ACTN1: variants seen among roughly 807,000 people sequenced by gnomAD.
ACTN1 encodes the protein alpha-actinin-1.
In ACTN1, 30 loss-of-function variants were observed where a neutral mutation model predicts 119.6. That is an observed-to-expected ratio of 0.25 (90% CI 0.19 to 0.34). ACTN1 has a LOEUF of 0.34. Among genes scored for constraint, ACTN1 ranks in the 10% least tolerant of loss-of-function variants. ACTN1 has a pLI of 1.00. For synonymous variants in ACTN1, 429 were observed against 472.6 expected, an observed-to-expected ratio of 0.91 and a Z score of 1.20; for missense variants, 764 against 1,223.4, an observed-to-expected ratio of 0.62 and a Z score of 5.60.
At position 68,884,849 on chromosome 14, in the gene ACTN1, C is replaced by T. The variant is rs762144250; in HGVS notation, c.1420G>A (p.Ala474Thr). The change falls in exon 13 of 22, where the codon GCC (alanine) becomes ACC (threonine). Residue 474 changes from alanine to threonine, a missense_variant. This residue lies in a region of ACTN1 where 544 missense variants were observed against 912.0 expected (regional missense o/e 0.60). Transcript: ENST00000394419. ...LDYYDSPSVN[A>T]RCQKICDQWD... ...TGGTCACAGATCTTTTGGCAACGGG[C>T]GTTGACACTGGGTGAGTCATAATAG... The T allele has an allele frequency of 1.1e-5, 17 of 1,614,024 alleles. No individual in the cohort carries two copies. In the East Asian group the frequency reaches 1.3e-4, roughly 13 times the overall value.
intron 8 of ACTN1, among the ~76,000 whole-genome samples, chr14:68,899,964 G>A (rs1339790427): frequency 6.6e-6 from 1 of 152,184 alleles, no homozygotes; most frequent in Non-Finnish European, 1.5e-5. Context: ...AGGAACAGCA[G>A]CAGGAGATGT....
chr14:68,884,942 C>CCA, intron 12 of ACTN1, 59 bp from the exon 13 acceptor site: 1 of 1,411,848 alleles, frequency 7.1e-7, no homozygotes, highest in Non-Finnish European at 1.0e-6. Context: ...GGCCCATCTC[C>CCA]CTCTCTCTGA....
At chr14:68,899,351 C>T (rs62650189) in intron 8 of ACTN1, among the ~76,000 whole-genome samples, 19,890 of 145,994 alleles carry the variant, frequency 0.14, 1,536 homozygotes, top group African/African-American at 0.2. Context: ...CTCCTACACA[C>T]CACACACACC....
intron 1 of ACTN1, among the ~76,000 whole-genome samples, chr14:68,975,711 A>C (rs1045276254): frequency 1.3e-5 from 2 of 152,226 alleles, no homozygotes; most frequent in Non-Finnish European, 2.9e-5. Flanking sequence ...AAACCTGGAA[A>C]AGTAGAGGAA....
intron 1 of ACTN1, among the ~76,000 whole-genome samples, chr14:68,963,177 A>G (rs1333807299): frequency 6.6e-6 from 1 of 152,082 alleles, no homozygotes; most frequent in Non-Finnish European, 1.5e-5. Flanking sequence ...TTTAGCTCAC[A>G]TGATCACCTC....
At chr14:68,939,803 T>C (rs1327506624) in intron 1 of ACTN1, among the ~76,000 whole-genome samples, 1 of 152,238 alleles carries the variant, frequency 6.6e-6, no homozygotes, top group Non-Finnish European at 1.5e-5. Flanking sequence ...TCAATAAAGC[T>C]GTTATTTCTC....
intron 1 of ACTN1, among the ~76,000 whole-genome samples, chr14:68,927,668 C>T (rs1005784986): frequency 8.5e-5 from 13 of 152,114 alleles, no homozygotes; most frequent in African/African-American, 2.9e-4. Context: ...GGAAAGAGGA[C>T]GCAGCAGGAC....
rs181463 is a variant in ACTN1 at position 68,882,321 on chromosome 14, A to G, written c.1953+137T>C. ...CATAGGCCCCCATAGCCTTCTACAG[A>G]ACAGCAGACCCACGGTGGGCTCCGG... On this transcript the variant is annotated intron_variant, in intron 16 of 21. Transcript: ENST00000394419. This position sits in a 1 kb window ranked among gnomAD's most constrained non-coding sequence, Gnocchi z 4.5. 0.44 allele frequency: 534,253 copies of G among 1,210,734 alleles called. 124,498 individuals carry two copies. Among genetic ancestry groups the G allele is most frequent in the African/African-American group, 0.78 (51,399 of 66,202 alleles). The allele number at this position is 1,210,734 out of a possible 1,614,324, so 75.0% of individuals were successfully genotyped here.
At chr14:68,883,288 G>A (rs2031723499) in intron 14 of ACTN1, 1 of 536,986 alleles carries the variant, frequency 1.9e-6, no homozygotes, top group South Asian at 2.5e-5. Context: ...AACCTCTCTG[G>A]TGTGTTCACC....
chr14:68,914,585 G>A (rs989633511), intron 3 of ACTN1, among the ~76,000 whole-genome samples: 1 of 152,092 alleles, frequency 6.6e-6, no homozygotes, highest in Admixed American at 6.5e-5. Context: ...GGGCAACATA[G>A]GAGACCTTGT....
At chr14:68,914,609 T>C (rs2034186792) in intron 3 of ACTN1, among the ~76,000 whole-genome samples, 2 of 151,780 alleles carry the variant, frequency 1.3e-5, no homozygotes, top group Non-Finnish European at 2.9e-5. Flanking sequence ...TACAAAAAAA[T>C]GAAAAAATTA....
At chr14:68,898,968 C>G (rs2033076590) in intron 8 of ACTN1, among the ~76,000 whole-genome samples, 1 of 149,984 alleles carries the variant, frequency 6.7e-6, no homozygotes, top group African/African-American at 2.5e-5. Flanking sequence ...CACACACACA[C>G]ACCACACACG....
intron 1 of ACTN1, among the ~76,000 whole-genome samples, chr14:68,932,362 C>T (rs1392462822): frequency 2.0e-5 from 3 of 152,000 alleles, no homozygotes; most frequent in Non-Finnish European, 4.4e-5. Flanking sequence ...GGGACTCGGA[C>T]TGGCTTCCTT....
intron 16 of ACTN1, among the ~76,000 whole-genome samples, chr14:68,881,367 G>C (rs1054018905): frequency 2.0e-5 from 3 of 152,060 alleles, no homozygotes; most frequent in African/African-American, 7.2e-5. Context: ...GATCCTCGTA[G>C]CCTCGGCAGA....
intron 14 of ACTN1, 29 bp from the exon 15 acceptor site, chr14:68,883,084 G>C: frequency 6.2e-7 from 1 of 1,609,412 alleles, no homozygotes; most frequent in Non-Finnish European, 8.5e-7. Context: ...ATGTGGGCAA[G>C]AGGAACAAAG....
In ACTN1 at chr14:68,874,712, G is replaced by T. The variant is rs1337710760; in HGVS notation, c.*147C>A. ...AAATAATTTTGTAAACTGTCACTTC[G>T]CGGGCAGGGAGGATCGATGCCACGT... On this transcript the variant is annotated 3_prime_UTR_variant, in exon 22 of 22. Coordinates refer to ENST00000394419, the MANE Select transcript of ACTN1 (RefSeq NM_001130004.2). 2 of 718,564 alleles carry T rather than the reference G, an allele frequency of 2.8e-6. No homozygotes were observed. Among genetic ancestry groups the T allele is most frequent in the Non-Finnish European group, 4.0e-6 (2 of 498,390 alleles). 44.5% of individuals were successfully genotyped at this position (718,564 alleles called of 1,614,324 possible).
chr14:68,930,236 A>G (rs561632527), intron 1 of ACTN1, among the ~76,000 whole-genome samples: 2 of 152,332 alleles, frequency 1.3e-5, no homozygotes, highest in East Asian at 1.9e-4. Context: ...GGACAATAGC[A>G]TCTCCCAGGC....
rs148938198 is a variant in ACTN1, at chr14:68,928,117, C to T, written c.106-2445G>A. Among the ~76,000 whole-genome samples the T allele has an allele frequency of 2.2e-4, 34 of 152,318 alleles. 1 individual carries two copies. In the East Asian group the frequency reaches 6.4e-3, roughly 29 times the overall value. On this transcript the variant is annotated intron_variant, in intron 1 of 21. Coordinates refer to ENST00000394419, the MANE Select transcript of ACTN1 (RefSeq NM_001130004.2). ...TAGCAGGCACTGCCCTGAGCCCACC[C>T]GCCCAGCTGGGGGCTATAAATTCTC...
At chr14:68,958,313 G>T (rs1267041842) in intron 1 of ACTN1, among the ~76,000 whole-genome samples, 1 of 152,170 alleles carries the variant, frequency 6.6e-6, no homozygotes, top group Non-Finnish European at 1.5e-5. Flanking sequence ...CATGCACCTA[G>T]ACAGACTACT....
Sources: allele counts gnomAD v4.1 joint callset (sites outside exome capture counted in the v4.1 genomes callset), GRCh38; gene constraint gnomAD v4.1.1; regional missense constraint gnomAD v4.1.1; non-coding constraint Gnocchi (gnomAD v3.1); transcripts MANE v1.5; gene names NCBI Gene and HGNC (gene_info 2026-07-23, HGNC 2026-07-21).